PADI2: variants seen among roughly 807,000 people sequenced by gnomAD.
The protein encoded by PADI2 is protein-arginine deiminase type-2.
Under a neutral mutation model 81.1 loss-of-function variants are expected in PADI2, and 70 were observed. The ratio of observed to expected loss-of-function variants is 0.86; its 90% CI spans 0.71 to 1.05. The LOEUF (loss-of-function observed/expected upper bound fraction) is 1.05. PADI2 is among the 50% of genes least tolerant of loss of function. PADI2 has a pLI of 0.00. For synonymous variants in PADI2, 338 were observed against 358.0 expected (o/e 0.94, Z 0.63); for missense variants, 853 against 889.9 (o/e 0.96, Z 0.53).
intron 6 of PADI2, among the ~76,000 whole-genome samples, chr1:17,088,140 G>A (rs368638639): frequency 6.6e-6 from 1 of 152,172 alleles, no homozygotes; most frequent in African/African-American, 2.4e-5. Flanking sequence ...GTAGGGTGGG[G>A]AGGGCAGAAG....
intron 1 of PADI2, among the ~76,000 whole-genome samples, chr1:17,110,648 G>A (rs2101611462): frequency 6.6e-6 from 1 of 152,232 alleles, no homozygotes; most frequent in Non-Finnish European, 1.5e-5. Context: ...TTCATTTTCT[G>A]CGGTTCCTTC....
At chr1:17,070,707 G>A (rs1380766138) in intron 14 of PADI2, among the ~76,000 whole-genome samples, 1 of 151,800 alleles carries the variant, frequency 6.6e-6, no homozygotes, top group African/African-American at 2.4e-5. Context: ...TGTTGCCCAC[G>A]CCGGAGTGCA....
At position 17,105,063 on chromosome 1, in the gene PADI2, T is replaced by C. The variant is rs1464290072; in HGVS notation, c.93-2A>G. On this transcript the variant is annotated splice_acceptor_variant, in intron 1 of 15. Coordinates refer to ENST00000375486, the MANE Select transcript of PADI2 (RefSeq NM_007365.3). LOFTEE classifies it high-confidence loss of function. ...GTTTGGGCCCCGGCTGGGGCCGCGC[T>C]GTGGGGAGAGATGAGAGAGGGTTAG... 9 of 1,559,080 alleles carry C rather than the reference T, an allele frequency of 5.8e-6. No individual in the cohort carries two copies. Among genetic ancestry groups the C allele is most frequent in the Non-Finnish European group, 6.1e-6 (7 of 1,145,708 alleles).
In PADI2 at chr1:17,103,077, A is replaced by G. The variant is rs750858112; in HGVS notation, c.277-18T>C. On this transcript the variant is annotated intron_variant, in intron 2 of 15. Coordinates refer to ENST00000375486, the MANE Select transcript of PADI2 (RefSeq NM_007365.3). ...ACGGTGACCTTGGTGGGGAGGGGGCACATTGGAGTAGAGAGAAAAGAGAGC... is the reference window on the plus strand; with the variant it reads ...ACGGTGACCTTGGTGGGGAGGGGGCGCATTGGAGTAGAGAGAAAAGAGAGC... 1 of 1,583,756 alleles carries G rather than the reference A, an allele frequency of 6.3e-7. No individual in the cohort carries two copies. Among genetic ancestry groups the G allele is most frequent in the Non-Finnish European group, 8.7e-7 (1 of 1,153,036 alleles).
intron 3 of PADI2, among the ~76,000 whole-genome samples, chr1:17,102,645 A>C (rs558707823): frequency 6.6e-5 from 10 of 151,806 alleles, no homozygotes; most frequent in Admixed American, 6.6e-4. Context: ...TCCCCTCACC[A>C]TGAGAGGGAC....
intron 13 of PADI2, among the ~76,000 whole-genome samples, 179 bp from the exon 14 acceptor site, chr1:17,071,670 G>A (rs1273918287): frequency 6.6e-6 from 1 of 152,124 alleles, no homozygotes; most frequent in Non-Finnish European, 1.5e-5. Context: ...CCCTCTGTCT[G>A]GGGAGGGCAG....
intron 2 of PADI2, among the ~76,000 whole-genome samples, chr1:17,103,678 A>G (rs1931233045): frequency 6.6e-6 from 1 of 152,018 alleles, no homozygotes; most frequent in East Asian, 1.9e-4. Context: ...CAACATCCAC[A>G]TGGCTACCGA....
At chr1:17,088,113 C>T (rs896172848) in intron 6 of PADI2, among the ~76,000 whole-genome samples, 5 of 151,944 alleles carry the variant, frequency 3.3e-5, no homozygotes, top group African/African-American at 1.2e-4. Flanking sequence ...GGGTGAGATC[C>T]AGTCTGGTTA....
At chr1:17,079,231 C>T in intron 11 of PADI2, 33 bp downstream of exon 11, 1 of 1,597,330 alleles carries the variant, frequency 6.3e-7, no homozygotes, top group Non-Finnish European at 8.6e-7. Context: ...TCCCCACTCC[C>T]ACAGCCCCTA....
Position 17,117,960 on chromosome 1 carries a change from G to A in PADI2, c.92+1320C>T, listed in dbSNP as rs574387534. Among the ~76,000 whole-genome samples, 6 of 152,350 alleles carry A rather than the reference G, an allele frequency of 3.9e-5. 1 individual carries two copies. The highest frequency in any genetic ancestry group is 3.4e-3 in the Middle Eastern group (1 of 294). On this transcript the variant is annotated intron_variant, in intron 1 of 15. Coordinates refer to ENST00000375486, the MANE Select transcript of PADI2 (RefSeq NM_007365.3). The stretch of plus-strand genomic sequence containing the variant: ...AGTCCACCTCTGAGGTTTACATGGG[G>A]GACAACTGAAGCCCAGGCCCAGGGG...
intron 1 of PADI2, among the ~76,000 whole-genome samples, chr1:17,117,468 T>A (rs759717003): frequency 6.6e-6 from 1 of 152,168 alleles, no homozygotes; most frequent in Non-Finnish European, 1.5e-5. Context: ...ACAGTACTGG[T>A]CTAGAGCGCA....
Position 17,067,616 on chromosome 1 carries a change from T to A in PADI2, c.*1428A>T, listed in dbSNP as rs901215192. 1 of 152,206 alleles carries A rather than the reference T, an allele frequency of 6.6e-6. No homozygotes were observed. The highest frequency in any genetic ancestry group is 1.5e-5 in the Non-Finnish European group (1 of 68,050). 9.4% of individuals were successfully genotyped at this position (152,206 alleles called of 1,614,324 possible). On this transcript the variant is annotated 3_prime_UTR_variant, in exon 16 of 16. Coordinates refer to ENST00000375486, the MANE Select transcript of PADI2 (RefSeq NM_007365.3). ...CTGGCCTTTAAATGTGGGCTTTGCA[T>A]GTTGGGGAGTGATGGGTTCCATGCC...
intron 15 of PADI2, 112 bp downstream of exon 15, chr1:17,069,976 G>T (rs924162160): frequency 8.0e-7 from 1 of 1,257,834 alleles, no homozygotes; most frequent in Non-Finnish European, 1.1e-6. Context: ...CAGCAGCTCA[G>T]CCAGGATTGG....
chr1:17,116,785 G>T (rs1168059510), intron 1 of PADI2, among the ~76,000 whole-genome samples: 2 of 152,216 alleles, frequency 1.3e-5, no homozygotes, highest in East Asian at 3.9e-4. Flanking sequence ...TGGTGAGGAA[G>T]AAAGGAGGTG....
At chr1:17,086,261 G>A (rs1257693189) in intron 7 of PADI2, among the ~76,000 whole-genome samples, 3 of 152,190 alleles carry the variant, frequency 2.0e-5, no homozygotes, top group South Asian at 4.1e-4. Flanking sequence ...GGACACAGGC[G>A]TGGAGTGTGT....
intron 3 of PADI2, among the ~76,000 whole-genome samples, chr1:17,101,251 C>T (rs1931131098): frequency 6.6e-6 from 1 of 152,158 alleles, no homozygotes; most frequent in Non-Finnish European, 1.5e-5. Context: ...AGGAAAAGTC[C>T]AGTCCTGCCT....
At chr1:17,095,691 T>C (rs1930897322) in intron 4 of PADI2, among the ~76,000 whole-genome samples, 1 of 152,158 alleles carries the variant, frequency 6.6e-6, no homozygotes, top group African/African-American at 2.4e-5. Flanking sequence ...GTCCCCATCA[T>C]GGGATGGAGA....
chr1:17,110,667 C>T (rs1010573052), intron 1 of PADI2, among the ~76,000 whole-genome samples: 1 of 152,220 alleles, frequency 6.6e-6, no homozygotes. Flanking sequence ...TCCACCACTT[C>T]AGCTCCCTGC....
At chr1:17,086,783 G>A (rs985626778) in intron 6 of PADI2, 84 bp from the exon 7 acceptor site, 3 of 1,146,996 alleles carry the variant, frequency 2.6e-6, no homozygotes, top group African/African-American at 1.5e-5. Context: ...GGACAAAAGG[G>A]CAAAGTAACT....
Sources: allele counts gnomAD v4.1 joint callset (sites outside exome capture counted in the v4.1 genomes callset), GRCh38; gene constraint gnomAD v4.1.1; transcripts MANE v1.5; gene names NCBI Gene and HGNC (gene_info 2026-07-23, HGNC 2026-07-21).